PSKH2: variants seen among roughly 807,000 people sequenced by gnomAD.
PSKH2 encodes protein serine kinase H2.
In PSKH2, 16 loss-of-function variants were observed where a neutral mutation model predicts 22.5. That is an observed-to-expected ratio of 0.71 (90% confidence interval 0.48 to 1.08). The LOEUF (loss-of-function observed/expected upper bound fraction) is 1.08. Among genes scored for constraint, PSKH2 ranks in the 50% least tolerant of loss-of-function variants. The probability of loss-of-function intolerance (pLI) is 0.00; values close to 1 mark genes in which losing one functional copy is unlikely to be tolerated. For synonymous variants in PSKH2, 188 were observed against 184.8 expected, an observed-to-expected ratio of 1.02 and a Z score of -0.14; for missense variants, 516 against 492.8, an observed-to-expected ratio of 1.05 and a Z score of -0.44.
chr8:86,051,875 A>G (rs1817635486), intron 2 of PSKH2, among the ~76,000 whole-genome samples: 1 of 152,248 alleles, frequency 6.6e-6, no homozygotes, highest in African/African-American at 2.4e-5. Flanking sequence ...TATTATTCAA[A>G]CATGAGTTAT....
chr8:86,057,162 G>A (rs1327383852), intron 2 of PSKH2, among the ~76,000 whole-genome samples: 4 of 151,986 alleles, frequency 2.6e-5, no homozygotes, highest in Non-Finnish European at 5.9e-5. Flanking sequence ...GGGCTCGGGT[G>A]ATCCTCCCAC....
At chr8:86,069,846 G>C (rs1245535329), upstream of PSKH2, 2 of 491,210 alleles carry the variant, frequency 4.1e-6, no homozygotes, top group Non-Finnish European at 6.9e-6. Context: ...CGTGATGAAA[G>C]CAAAGTCAAC....
intron 2 of PSKH2, among the ~76,000 whole-genome samples, chr8:86,049,725 A>AG (rs1554583193): frequency 1.6e-5 from 1 of 63,814 alleles, no homozygotes; most frequent in African/African-American, 5.6e-5. Flanking sequence ...AAAGAAAGAA[A>AG]GAAAGAAAGA....
In PSKH2 at chr8:86,064,402, G is replaced by C. The variant is rs1197792521; in HGVS notation, c.415C>G (p.Leu139Val). 5.6e-6 allele frequency: 9 copies of C among 1,614,148 alleles called. No homozygotes were observed. Among genetic ancestry groups the C allele is most frequent in the Non-Finnish European group, 7.6e-6 (9 of 1,180,036 alleles). The change falls in exon 2 of 3, where the codon CTG (leucine) becomes GTG (valine). Residue 139 changes from leucine to valine, a missense_variant. Transcript: ENST00000276616. ...TEDQVYMVME[L>V]ATGGELFDRL... Reference sequence around the variant, plus strand: ...TCAAAGAGCTCCCCTCCGGTAGCCAGCTCCATTACCATGTAAACTTGATCC... The same window carrying C: ...TCAAAGAGCTCCCCTCCGGTAGCCACCTCCATTACCATGTAAACTTGATCC...
At chr8:86,065,251 T>C (rs1304590494) in intron 1 of PSKH2, among the ~76,000 whole-genome samples, 3 of 152,204 alleles carry the variant, frequency 2.0e-5, no homozygotes, top group Non-Finnish European at 2.9e-5. Context: ...ATAAACAGTA[T>C]GTTTCTTTGG....
intron 1 of PSKH2, among the ~76,000 whole-genome samples, chr8:86,065,634 G>A (rs1256685830): frequency 6.6e-6 from 1 of 152,136 alleles, no homozygotes; most frequent in East Asian, 1.9e-4. Context: ...GATTTCAAAT[G>A]CTAGGGATCT....
At chr8:86,051,257 T>C (rs1817626253) in intron 2 of PSKH2, among the ~76,000 whole-genome samples, 1 of 151,918 alleles carries the variant, frequency 6.6e-6, no homozygotes, top group Admixed American at 6.6e-5. Flanking sequence ...CCCAGCTAAT[T>C]TTTGCATTTT....
intron 1 of PSKH2, among the ~76,000 whole-genome samples, chr8:86,067,527 T>G (rs1251845789): frequency 6.6e-6 from 1 of 151,626 alleles, no homozygotes; most frequent in African/African-American, 2.4e-5. Context: ...ACCCCTCCAC[T>G]CTCTTAAAGA....
At position 86,063,978 on chromosome 8, in the gene PSKH2, T is replaced by C; in HGVS notation, c.839A>G (p.Asn280Ser). Reference sequence around the variant, plus strand: ...ATGCTCTCTTACCTCTCCTGTATAATTATATTTGCCTTTCAGAATCTTCCT... The same window carrying C: ...ATGCTCTCTTACCTCTCCTGTATAACTATATTTGCCTTTCAGAATCTTCCT... Reference protein sequence around the residue: ...LYRKILKGKYNYTGEPWPSIS... With the variant: ...LYRKILKGKYSYTGEPWPSIS... Residue 280 changes from asparagine to serine, a missense_variant, in exon 2 of 3, where the codon AAT becomes AGT. Coordinates refer to ENST00000276616, the MANE Select transcript of PSKH2 (RefSeq NM_033126.3). 2 of 1,612,206 alleles carry C rather than the reference T, an allele frequency of 1.2e-6. No homozygotes were observed. The highest frequency in any genetic ancestry group is 1.7e-6 in the Non-Finnish European group (2 of 1,179,110).
At position 86,048,473 on chromosome 8, in the gene PSKH2, C is replaced by G. The variant is rs1303015220; in HGVS notation, c.1147G>C (p.Ala383Pro). The change falls in exon 3 of 3, where the codon GCG becomes CCG. Residue 383 changes from alanine (A) to proline (P), a missense_variant. Coordinates refer to ENST00000276616, the MANE Select transcript of PSKH2 (RefSeq NM_033126.3). ...TAGAGGTCATCTGCTTACAAAAGCG[C>G]AGACAGTGGCGATTCTACTATCCTT... is the stretch of plus-strand genomic sequence containing the variant. ...NLRIVESPLS[A>P]LL 1.9e-6 allele frequency: 3 copies of G among 1,611,376 alleles called. No individual in the cohort carries two copies. The highest frequency in any genetic ancestry group is 1.3e-5 in the African/African-American group (1 of 74,978).
At chr8:86,049,780 A>G (rs1817602836) in intron 2 of PSKH2, among the ~76,000 whole-genome samples, 1 of 131,642 alleles carries the variant, frequency 7.6e-6, no homozygotes. Context: ...AAAAGAAAGA[A>G]AAAGAAAGGA....
chr8:86,049,606 G>A (rs1817582577), intron 2 of PSKH2, among the ~76,000 whole-genome samples: 1 of 145,996 alleles, frequency 6.8e-6, no homozygotes, highest in Non-Finnish European at 1.5e-5. Flanking sequence ...GCGAAGAGGG[G>A]AGGGGAGAGG....
At chr8:86,068,894 C>CT (rs1326383248) in intron 1 of PSKH2, among the ~76,000 whole-genome samples, 1 of 152,068 alleles carries the variant, frequency 6.6e-6, no homozygotes, top group Non-Finnish European at 1.5e-5. Flanking sequence ...CTCCTGCTCT[C>CT]TTTTTTCCCA....
At chr8:86,059,376 A>G (rs978589649) in intron 2 of PSKH2, among the ~76,000 whole-genome samples, 2 of 152,200 alleles carry the variant, frequency 1.3e-5, no homozygotes, top group African/African-American at 4.8e-5. Context: ...AGTTCTGCAA[A>G]TCAGAAGTCT....
chr8:86,051,175 C>T (rs1027609088), intron 2 of PSKH2, among the ~76,000 whole-genome samples: 3 of 151,818 alleles, frequency 2.0e-5, no homozygotes, highest in Non-Finnish European at 4.4e-5. Flanking sequence ...AGGCGATTCT[C>T]GTGCCTCACT....
At chr8:86,048,806 A>T in intron 2 of PSKH2, 39 bp from the exon 3 acceptor site, 1 of 1,453,844 alleles carries the variant, frequency 6.9e-7, no homozygotes, top group Non-Finnish European at 9.3e-7. Context: ...AAAATAAATA[A>T]AATGGAAATA....
intron 1 of PSKH2, among the ~76,000 whole-genome samples, chr8:86,068,053 C>T (rs1367296089): frequency 5.3e-5 from 8 of 152,216 alleles, no homozygotes; most frequent in Non-Finnish European, 7.3e-5. Flanking sequence ...TCTCTGACTA[C>T]AAATGACCAG....
Position 86,064,473 on chromosome 8 carries a change from A to G in PSKH2, c.344T>C (p.Val115Ala). The G allele has an allele frequency of 6.2e-7, 1 of 1,613,088 alleles. No individual in the cohort carries two copies. Among genetic ancestry groups the G allele is most frequent in the Non-Finnish European group, 8.5e-7 (1 of 1,179,882 alleles). The stretch of plus-strand genomic sequence containing the variant: ...GAGCTGGACAATGTAACGATGGCTA[A>G]CCCGCCGCAGGACGCTCAGCTCAGA... ...CVSELSVLRR[V>A]SHRYIVQLME... The change falls in exon 2 of 3, where the codon GTT becomes GCT. Residue 115 changes from valine to alanine, a missense_variant. Coordinates refer to ENST00000276616, the MANE Select transcript of PSKH2 (RefSeq NM_033126.3).
chr8:86,057,637 G>A (rs1220420638), intron 2 of PSKH2, among the ~76,000 whole-genome samples: 4 of 151,934 alleles, frequency 2.6e-5, no homozygotes, highest in Non-Finnish European at 4.4e-5. Flanking sequence ...CGCCCACCTC[G>A]CCTCAGCCTC....
Sources: allele counts gnomAD v4.1 joint callset (sites outside exome capture counted in the v4.1 genomes callset), GRCh38; gene constraint gnomAD v4.1.1; transcripts MANE v1.5; gene names NCBI Gene and HGNC (gene_info 2026-07-23, HGNC 2026-07-21).